The following PDCD10 variants were observed in gnomAD, a reference collection of about 807,000 sequenced individuals.
The protein encoded by PDCD10 is programmed cell death 10.
In PDCD10, 4 loss-of-function variants were observed where a neutral mutation model predicts 29.2. The ratio of observed to expected loss-of-function variants is 0.14; its 90% CI spans 0.07 to 0.31. PDCD10 has a LOEUF of 0.31. PDCD10 is among the 10% of genes least tolerant of loss of function. The pLI is 1.00. For synonymous variants in PDCD10, 70 were observed against 82.2 expected (o/e 0.85, Z 0.80); for missense variants, 183 against 257.9 (o/e 0.71, Z 1.99).
chr3:167,689,983 G>A (rs1448436574), intron 6 of PDCD10, among the ~76,000 whole-genome samples: 2 of 151,640 alleles, frequency 1.3e-5, no homozygotes, highest in African/African-American at 4.9e-5. Flanking sequence ...CTACCAGAGA[G>A]TTTGTTTCCT....
rs769635570 is a variant in PDCD10, at chr3:167,720,136, T to G, written c.22A>C (p.Met8Leu). Residue 8 changes from methionine to leucine, a missense_variant, in exon 3 of 9, where the codon ATG becomes CTG. Met to Leu is a conservative substitution (Grantham distance 15, BLOSUM62 2). Transcript: ENST00000392750. MRMTMEE[M>L]KNEAETTSMV... ...GATGTGGTCTCAGCTTCATTCTTCA[T>G]CTCTTCCATTGTCATCCTCATTCAA... The G allele has an allele frequency of 6.2e-7, 1 of 1,611,838 alleles. No homozygotes were observed. The highest frequency in any genetic ancestry group is 1.7e-5 in the Admixed American group (1 of 59,934).
chr3:167,695,154 A>G (rs546408531), intron 6 of PDCD10, among the ~76,000 whole-genome samples: 23 of 152,154 alleles, frequency 1.5e-4, no homozygotes, highest in Non-Finnish European at 2.8e-4. Flanking sequence ...TATTTAACCT[A>G]TATCCCCCAA....
rs1243008967 is a variant in PDCD10 at position 167,704,214 on chromosome 3, T to C, written c.150+628A>G. ...AAGAATACCTTTTCAAGTTACACTTTTACAAATACTTTTAAATTTTTACTT... is the reference window on the plus strand; with the variant it reads ...AAGAATACCTTTTCAAGTTACACTTCTACAAATACTTTTAAATTTTTACTT... On this transcript the variant is annotated intron_variant, in intron 4 of 8. Coordinates refer to ENST00000392750, the MANE Select transcript of PDCD10 (RefSeq NM_007217.4). 3.9e-5 allele frequency among the ~76,000 whole-genome samples: 6 copies of C among 152,306 alleles called. No individual in the cohort carries two copies. In the East Asian group the frequency reaches 5.8e-4, roughly 15 times the overall value.
intron 6 of PDCD10, among the ~76,000 whole-genome samples, chr3:167,688,239 T>C (rs949228084): frequency 1.3e-5 from 2 of 152,192 alleles, no homozygotes; most frequent in African/African-American, 4.8e-5. Flanking sequence ...TCCTCTCCCC[T>C]GAGGAAATAT....
At chr3:167,720,675 G>T (rs558580338) in intron 2 of PDCD10, among the ~76,000 whole-genome samples, 1 of 152,200 alleles carries the variant, frequency 6.6e-6, no homozygotes, top group Non-Finnish European at 1.5e-5. Flanking sequence ...ATGTGTAAGT[G>T]TGTGCAGAAA....
intron 3 of PDCD10, among the ~76,000 whole-genome samples, chr3:167,716,097 G>A (rs946071730): frequency 2.6e-5 from 4 of 152,020 alleles, no homozygotes; most frequent in African/African-American, 9.7e-5. Context: ...TAAAAAGAAT[G>A]AGATCCTGTC....
Position 167,722,553 on chromosome 3 carries a change from C to G in PDCD10, c.-116-2280G>C, listed in dbSNP as rs576733271. ...ATTTGATTTCTTGATGAGGTTAAAG[C>G]GGTAACCTTCAAAGAGCGGAGTACT... On this transcript the variant is annotated intron_variant, in intron 2 of 8. Coordinates refer to ENST00000392750, the MANE Select transcript of PDCD10 (RefSeq NM_007217.4). Among the ~76,000 whole-genome samples the G allele has an allele frequency of 4.6e-5, 7 of 152,208 alleles. No homozygotes were observed. The East Asian group carries it at 1.2e-3, about 25-fold the overall frequency.
chr3:167,707,907 G>A (rs1722148411), intron 3 of PDCD10, among the ~76,000 whole-genome samples: 1 of 152,114 alleles, frequency 6.6e-6, no homozygotes, highest in East Asian at 1.9e-4. Flanking sequence ...GAGAATCAGA[G>A]TGAGAGAAAA....
chr3:167,734,532 C>T (rs1725195314), intron 1 of PDCD10, 130 bp downstream of exon 1: 1 of 152,558 alleles, frequency 6.6e-6, no homozygotes, highest in Non-Finnish European at 1.5e-5. Flanking sequence ...CCCGGGGCAC[C>T]AGGGGCCAAC....
At chr3:167,728,394 AG>A (rs1724441950) in intron 2 of PDCD10, among the ~76,000 whole-genome samples, 1 of 152,198 alleles carries the variant, frequency 6.6e-6, no homozygotes, top group Admixed American at 6.5e-5. Context: ...TATAAGTCTG[AG>A]GAGGCAGCCG....
intron 3 of PDCD10, among the ~76,000 whole-genome samples, chr3:167,711,405 C>T (rs1722508971): frequency 6.6e-6 from 1 of 152,140 alleles, no homozygotes; most frequent in Non-Finnish European, 1.5e-5. Context: ...GCATCAACCT[C>T]TTAATAGCAG....
intron 2 of PDCD10, among the ~76,000 whole-genome samples, chr3:167,724,201 G>A (rs1723861347): frequency 6.6e-6 from 1 of 152,164 alleles, no homozygotes. Flanking sequence ...GAAAGGAGAG[G>A]AACAACAGAA....
chr3:167,694,144 T>C (rs1383458513), intron 6 of PDCD10, among the ~76,000 whole-genome samples: 1 of 151,968 alleles, frequency 6.6e-6, no homozygotes, highest in Non-Finnish European at 1.5e-5. Context: ...GCAAATTAAA[T>C]TATTTCACCT....
chr3:167,713,034 T>C (rs1201943679), intron 3 of PDCD10, among the ~76,000 whole-genome samples: 1 of 152,058 alleles, frequency 6.6e-6, no homozygotes, highest in Non-Finnish European at 1.5e-5. Flanking sequence ...ACTTTCAGTG[T>C]TGGACAGATC....
At chr3:167,733,650 C>T (rs1398496540) in intron 2 of PDCD10, among the ~76,000 whole-genome samples, 1 of 152,162 alleles carries the variant, frequency 6.6e-6, no homozygotes, top group Non-Finnish European at 1.5e-5. Flanking sequence ...ACTAAACTCT[C>T]CTAACGCTAC....
intron 6 of PDCD10, among the ~76,000 whole-genome samples, chr3:167,694,122 A>G (rs1720546450): frequency 6.6e-6 from 1 of 152,182 alleles, no homozygotes; most frequent in Non-Finnish European, 1.5e-5. Context: ...CCATTGTACC[A>G]AAAAATAACC....
At chr3:167,711,823 T>C (rs1415584808) in intron 3 of PDCD10, among the ~76,000 whole-genome samples, 3 of 152,106 alleles carry the variant, frequency 2.0e-5, no homozygotes, top group Non-Finnish European at 4.4e-5. Context: ...GCAGAAGACT[T>C]TTCAGTGGAA....
intron 2 of PDCD10, among the ~76,000 whole-genome samples, chr3:167,727,639 A>G (rs1159612547): frequency 6.6e-6 from 1 of 152,208 alleles, no homozygotes; most frequent in Non-Finnish European, 1.5e-5. Context: ...AAAATCCCTT[A>G]GAAATTCAAC....
intron 6 of PDCD10, 53 bp from the exon 7 acceptor site, chr3:167,687,746 A>G: frequency 1.1e-6 from 1 of 917,584 alleles, no homozygotes; most frequent in South Asian, 1.3e-5. Flanking sequence ...AATTTGTGAG[A>G]GAAAAGAACA....
Sources: allele counts gnomAD v4.1 joint callset (sites outside exome capture counted in the v4.1 genomes callset), GRCh38; gene constraint gnomAD v4.1.1; transcripts MANE v1.5; gene names NCBI Gene and HGNC (gene_info 2026-07-23, HGNC 2026-07-21).